Variants in UBE3D observed in about 807,000 individuals in gnomAD.
UBE3D encodes the protein E3 ubiquitin-protein ligase E3D.
UBE3D carries 48 observed loss-of-function variants against 49.6 expected under a neutral mutation model. The ratio of observed to expected loss-of-function variants is 0.97; its 90% CI spans 0.77 to 1.23. The LOEUF is 1.23. Among genes scored for constraint, UBE3D ranks in the 50% most tolerant of loss-of-function variants. The probability of loss-of-function intolerance (pLI) is 0.00; values close to 1 mark genes in which losing one functional copy is unlikely to be tolerated. For synonymous variants in UBE3D, 189 were observed against 174.2 expected (o/e 1.08, Z -0.67); for missense variants, 452 against 468.4 (o/e 0.96, Z 0.32).
At chr6:82,920,482 C>G (rs1773247332) in intron 9 of UBE3D, among the ~76,000 whole-genome samples, 1 of 152,150 alleles carries the variant, frequency 6.6e-6, no homozygotes, top group African/African-American at 2.4e-5. Context: ...TAACAATGCA[C>G]CAAATATAAA....
At chr6:82,995,350 A>C (rs1218537596) in intron 8 of UBE3D, among the ~76,000 whole-genome samples, 1 of 152,214 alleles carries the variant, frequency 6.6e-6, no homozygotes, top group Non-Finnish European at 1.5e-5. Context: ...ATGATACAAA[A>C]GCAAAAGCCT....
chr6:83,030,808 G>T (rs927653481), intron 5 of UBE3D, among the ~76,000 whole-genome samples: 1 of 152,080 alleles, frequency 6.6e-6, no homozygotes, highest in East Asian at 1.9e-4. Context: ...AATGGTTTTG[G>T]CCAAAATGCT....
At chr6:82,904,847 C>A (rs1037361015) in intron 9 of UBE3D, among the ~76,000 whole-genome samples, 7 of 152,086 alleles carry the variant, frequency 4.6e-5, no homozygotes, top group African/African-American at 1.7e-4. Context: ...GATATTGCAT[C>A]TGAAGAAGAA....
chr6:83,024,336 T>A (rs1189651049), intron 5 of UBE3D, among the ~76,000 whole-genome samples: 1 of 152,164 alleles, frequency 6.6e-6, no homozygotes, highest in East Asian at 1.9e-4. Context: ...TAGATAGAAA[T>A]TAGTCACTGG....
intron 8 of UBE3D, among the ~76,000 whole-genome samples, chr6:82,999,684 C>A (rs751865412): frequency 6.6e-5 from 10 of 152,136 alleles, no homozygotes; most frequent in Non-Finnish European, 1.5e-4. Flanking sequence ...TGCACCCAGC[C>A]CCCTGTTGGC....
At chr6:82,893,453 G>A (rs1771084043) in intron 9 of UBE3D, among the ~76,000 whole-genome samples, 1 of 152,016 alleles carries the variant, frequency 6.6e-6, no homozygotes, top group African/African-American at 2.4e-5. Flanking sequence ...AGGTCATTGT[G>A]ATACTTTCAC....
chr6:82,914,467 T>C (rs916698494), intron 9 of UBE3D, among the ~76,000 whole-genome samples: 10 of 152,148 alleles, frequency 6.6e-5, no homozygotes, highest in Admixed American at 6.6e-4. Flanking sequence ...CAAGTGGAAA[T>C]GTGTCCAGTG....
chr6:82,902,387 C>A (rs1452111313), intron 9 of UBE3D, among the ~76,000 whole-genome samples: 2 of 152,120 alleles, frequency 1.3e-5, no homozygotes, highest in African/African-American at 4.8e-5. Context: ...CTGGAGTCAG[C>A]CCAGGTGACT....
chr6:82,997,982 G>A (rs754057886), intron 8 of UBE3D, among the ~76,000 whole-genome samples: 2 of 152,246 alleles, frequency 1.3e-5, no homozygotes, highest in African/African-American at 2.4e-5. Context: ...TTTTAAGTAC[G>A]GGAATTTTTT....
chr6:83,050,791 G>T (rs1280504166), intron 3 of UBE3D, among the ~76,000 whole-genome samples: 1 of 147,026 alleles, frequency 6.8e-6, no homozygotes, highest in Admixed American at 7.3e-5. Context: ...CTACCTAAGA[G>T]TTACAGGTAA....
At chr6:82,986,609 C>T (rs1287883737) in intron 8 of UBE3D, among the ~76,000 whole-genome samples, 1 of 146,346 alleles carries the variant, frequency 6.8e-6, no homozygotes, top group Non-Finnish European at 1.5e-5. Context: ...TGGGGTCTTC[C>T]ATATGTTCTA....
chr6:83,001,910 A>G (rs1474884417), intron 8 of UBE3D, among the ~76,000 whole-genome samples: 1 of 152,092 alleles, frequency 6.6e-6, no homozygotes, highest in Non-Finnish European at 1.5e-5. Flanking sequence ...CTTAAATATC[A>G]CCTCATATCA....
At chr6:83,000,766 T>C (rs1193591342) in intron 8 of UBE3D, among the ~76,000 whole-genome samples, 1 of 152,166 alleles carries the variant, frequency 6.6e-6, no homozygotes, top group Non-Finnish European at 1.5e-5. Flanking sequence ...GTACTCACTG[T>C]ACTGCCTCCC....
At chr6:83,003,041 C>A (rs1779738369) in intron 8 of UBE3D, among the ~76,000 whole-genome samples, 1 of 152,040 alleles carries the variant, frequency 6.6e-6, no homozygotes, top group African/African-American at 2.4e-5. Flanking sequence ...TGTTCTCCTG[C>A]TTCAAAATCA....
intron 8 of UBE3D, among the ~76,000 whole-genome samples, chr6:82,988,207 A>G (rs1415355145): frequency 1.3e-5 from 2 of 152,182 alleles, no homozygotes; most frequent in Non-Finnish European, 2.9e-5. Flanking sequence ...AGGATAAAAG[A>G]GAACGAACTT....
chr6:83,052,808 T>C (rs545699952), intron 3 of UBE3D, among the ~76,000 whole-genome samples: 2 of 152,186 alleles, frequency 1.3e-5, no homozygotes, highest in African/African-American at 4.8e-5. Context: ...CAGAGCCTGA[T>C]GCATTTGAGA....
chr6:82,919,260 G>C (rs1424510214), intron 9 of UBE3D, among the ~76,000 whole-genome samples: 1 of 151,984 alleles, frequency 6.6e-6, no homozygotes, highest in Non-Finnish European at 1.5e-5. Context: ...GGTGGGTTAA[G>C]TTCCCAAGTG....
chr6:82,944,384 G>A (rs183353175), intron 9 of UBE3D, among the ~76,000 whole-genome samples: 6 of 152,288 alleles, frequency 3.9e-5, no homozygotes. Flanking sequence ...TTGCCATAAA[G>A]GGAAGGACCC....
At chr6:83,002,999 C>T (rs558994111) in intron 8 of UBE3D, among the ~76,000 whole-genome samples, 92 of 152,270 alleles carry the variant, frequency 6.0e-4, no homozygotes, top group African/African-American at 1.8e-3. Flanking sequence ...GCTGCCTTAA[C>T]GTGACTGTAA....
Sources: allele counts gnomAD v4.1 joint callset (sites outside exome capture counted in the v4.1 genomes callset), GRCh38; gene constraint gnomAD v4.1.1; transcripts MANE v1.5; gene names NCBI Gene and HGNC (gene_info 2026-07-23, HGNC 2026-07-21).